CLSTN2: variants seen among roughly 807,000 people sequenced by gnomAD.
The protein encoded by CLSTN2 is calsyntenin-2.
Under a neutral mutation model 101.2 loss-of-function variants are expected in CLSTN2, and 48 were observed. The observed-to-expected ratio is 0.47, with a 90% CI of 0.38 to 0.60. The LOEUF is 0.60. CLSTN2 is among the 20% of genes least tolerant of loss of function. CLSTN2 has a pLI of 0.00. For missense variants in CLSTN2, 1,160 were observed against 1,238.2 expected (o/e 0.94, Z 0.95); for synonymous variants, 481 against 463.6 (o/e 1.04, Z -0.48).
At chr3:140,412,764 T>C (rs950607094) in intron 4 of CLSTN2, among the ~76,000 whole-genome samples, 6 of 152,042 alleles carry the variant, frequency 3.9e-5, no homozygotes, top group Admixed American at 3.3e-4. Flanking sequence ...TTCACAAATA[T>C]GTGAAATTAA....
At chr3:140,442,399 C>T (rs1336624791) in intron 5 of CLSTN2, among the ~76,000 whole-genome samples, 1 of 152,102 alleles carries the variant, frequency 6.6e-6, no homozygotes, top group East Asian at 1.9e-4. Context: ...CTGTTTCTTC[C>T]CATGGAAGCC....
chr3:140,156,702 G>C (rs1277146460), intron 1 of CLSTN2, among the ~76,000 whole-genome samples: 1 of 152,188 alleles, frequency 6.6e-6, no homozygotes, highest in Non-Finnish European at 1.5e-5. Flanking sequence ...TTGACTTGAG[G>C]ACACTGTAGG....
chr3:140,392,940 C>A (rs955574128), intron 2 of CLSTN2, among the ~76,000 whole-genome samples: 4 of 151,884 alleles, frequency 2.6e-5, no homozygotes, highest in African/African-American at 9.7e-5. Context: ...TCTGCAGAGT[C>A]CTGAGACAGC....
intron 1 of CLSTN2, among the ~76,000 whole-genome samples, chr3:139,964,277 C>G (rs1248528021): frequency 1.3e-5 from 2 of 152,136 alleles, no homozygotes; most frequent in African/African-American, 4.8e-5. Context: ...GGGATACAGC[C>G]ATGCAGGGAG....
chr3:140,233,489 A>T (rs1224447819), intron 2 of CLSTN2, among the ~76,000 whole-genome samples: 1 of 152,150 alleles, frequency 6.6e-6, no homozygotes, highest in Non-Finnish European at 1.5e-5. Flanking sequence ...GGAATACTTC[A>T]TTATTTATCC....
chr3:140,395,687 G>T (rs1576547138), intron 2 of CLSTN2, among the ~76,000 whole-genome samples: 1 of 152,324 alleles, frequency 6.6e-6, no homozygotes, highest in African/African-American at 2.4e-5. Context: ...TCTACATTCA[G>T]CCCTAAAGTG....
intron 2 of CLSTN2, among the ~76,000 whole-genome samples, chr3:140,384,183 G>T (rs1259813016): frequency 3.9e-5 from 6 of 152,214 alleles, no homozygotes; most frequent in Non-Finnish European, 8.8e-5. Flanking sequence ...TGTCTCACTG[G>T]AGTGCATGTC....
chr3:139,999,562 G>A (rs373821622), intron 1 of CLSTN2, among the ~76,000 whole-genome samples: 6 of 152,136 alleles, frequency 3.9e-5, no homozygotes, highest in African/African-American at 1.4e-4. Flanking sequence ...GGTCAGAGAG[G>A]GGCAGCTCTT....
At chr3:140,397,051 C>G (rs188052729) in intron 2 of CLSTN2, among the ~76,000 whole-genome samples, 91 of 151,978 alleles carry the variant, frequency 6.0e-4, no homozygotes, top group Admixed American at 1.3e-3. Flanking sequence ...AATGTTCATT[C>G]ACTTAAAAAA....
At chr3:140,478,402 A>G (rs756982116) in intron 8 of CLSTN2, among the ~76,000 whole-genome samples, 4 of 152,036 alleles carry the variant, frequency 2.6e-5, no homozygotes, top group Non-Finnish European at 5.9e-5. Flanking sequence ...ATGAAATGCT[A>G]TTCAACAATA....
At chr3:140,423,868 G>A (rs556312693) in intron 5 of CLSTN2, among the ~76,000 whole-genome samples, 14 of 152,152 alleles carry the variant, frequency 9.2e-5, no homozygotes, top group Non-Finnish European at 1.9e-4. Flanking sequence ...TTAGGCAACC[G>A]GGATTAGTTC....
At chr3:140,426,221 C>A (rs1372772378) in intron 5 of CLSTN2, among the ~76,000 whole-genome samples, 3 of 152,086 alleles carry the variant, frequency 2.0e-5, no homozygotes, top group Non-Finnish European at 2.9e-5. Flanking sequence ...CCCTATCAAC[C>A]CATCACCTAG....
At chr3:140,244,432 A>T (rs1274934243) in intron 2 of CLSTN2, among the ~76,000 whole-genome samples, 1 of 152,128 alleles carries the variant, frequency 6.6e-6, no homozygotes, top group Non-Finnish European at 1.5e-5. Context: ...TCCACTCTAC[A>T]TCCAACTAGG....
At chr3:140,461,995 T>A (rs4269046) in intron 7 of CLSTN2, among the ~76,000 whole-genome samples, 143,096 of 151,922 alleles carry the variant, frequency 0.94, 67,639 homozygotes, top group Middle Eastern at 1. Context: ...TACATCAAAA[T>A]TTTTTTCAAG....
Position 140,179,856 on chromosome 3 carries a change from G to A in CLSTN2, c.232+3783G>A, listed in dbSNP as rs71314542. 3.3e-5 allele frequency among the ~76,000 whole-genome samples: 5 copies of A among 152,174 alleles called. No homozygotes were observed. The East Asian group carries it at 5.8e-4, about 18-fold the overall frequency. Reference sequence around the variant, plus strand: ...TATTATAACATGTGTCCACATTTCAGATTCTGTTGTTTGGATGGATTTCCA... The same window carrying A: ...TATTATAACATGTGTCCACATTTCAAATTCTGTTGTTTGGATGGATTTCCA... On this transcript the variant is annotated intron_variant, in intron 2 of 16. Coordinates refer to ENST00000458420, the MANE Select transcript of CLSTN2 (RefSeq NM_022131.3).
At chr3:140,396,624 A>G (rs549604287) in intron 2 of CLSTN2, among the ~76,000 whole-genome samples, 22 of 152,346 alleles carry the variant, frequency 1.4e-4, no homozygotes, top group African/African-American at 5.1e-4. Context: ...CTACAGTCCC[A>G]TGGTAGTTAA....
At chr3:140,259,340 G>A (rs1055746907) in intron 2 of CLSTN2, among the ~76,000 whole-genome samples, 22 of 151,946 alleles carry the variant, frequency 1.4e-4, no homozygotes, top group African/African-American at 5.3e-4. Flanking sequence ...CAGGTGTGGT[G>A]GCAGGCACAT....
intron 1 of CLSTN2, among the ~76,000 whole-genome samples, chr3:139,947,709 T>C (rs1165202687): frequency 2.0e-5 from 3 of 152,246 alleles, no homozygotes; most frequent in African/African-American, 7.2e-5. Context: ...TTATTTTGAC[T>C]TTATTGTGCT....
chr3:140,476,263 A>G lies in CLSTN2; in HGVS notation c.1344+9532A>G, dbSNP rs995930778. Among the ~76,000 whole-genome samples, 9 of 152,376 alleles carry G rather than the reference A, an allele frequency of 5.9e-5. No homozygotes were observed. In the East Asian group the frequency reaches 1.7e-3, roughly 29 times the overall value. On this transcript the variant is annotated intron_variant, in intron 8 of 16. Transcript: ENST00000458420. ...TACTTGGGAGACATGATGCAAAGGCACTGGCCACTGTGAAGTCCACGTGCA... is the reference window on the plus strand; with the variant it reads ...TACTTGGGAGACATGATGCAAAGGCGCTGGCCACTGTGAAGTCCACGTGCA...
Sources: allele counts gnomAD v4.1 joint callset (sites outside exome capture counted in the v4.1 genomes callset), GRCh38; gene constraint gnomAD v4.1.1; transcripts MANE v1.5; gene names NCBI Gene and HGNC (gene_info 2026-07-23, HGNC 2026-07-21).